The following HS6ST3 variants were observed in gnomAD, a reference collection of about 807,000 sequenced individuals.
HS6ST3 encodes the protein heparan-sulfate 6-O-sulfotransferase 3.
A neutral mutation model predicts 36.7 loss-of-function variants in HS6ST3; 12 were observed. The ratio of observed to expected loss-of-function variants is 0.33; its 90% CI spans 0.21 to 0.53. The LOEUF (loss-of-function observed/expected upper bound fraction) is 0.53, where lower values mean the gene tolerates loss of function less well. Among genes scored for constraint, HS6ST3 ranks in the 20% least tolerant of loss-of-function variants. HS6ST3 has a pLI of 0.95. For synonymous variants in HS6ST3, 240 were observed against 257.5 expected, an observed-to-expected ratio of 0.93 and a Z score of 0.65; for missense variants, 584 against 640.9, an observed-to-expected ratio of 0.91 and a Z score of 0.96.
At chr13:96,142,435 T>C (rs1218283124) in intron 1 of HS6ST3, among the ~76,000 whole-genome samples, 2 of 152,128 alleles carry the variant, frequency 1.3e-5, no homozygotes, top group African/African-American at 4.8e-5. Flanking sequence ...ATTAGTGAAG[T>C]TGAAATAAGA....
At chr13:96,456,851 T>C (rs2055756660) in intron 1 of HS6ST3, among the ~76,000 whole-genome samples, 1 of 152,126 alleles carries the variant, frequency 6.6e-6, no homozygotes, top group African/African-American at 2.4e-5. Context: ...TCTTTTTCTT[T>C]CTCCGATTAA....
At chr13:96,676,815 T>G (rs918959585) in intron 1 of HS6ST3, among the ~76,000 whole-genome samples, 1 of 152,196 alleles carries the variant, frequency 6.6e-6, no homozygotes, top group Admixed American at 6.6e-5. Flanking sequence ...TCCATTACTC[T>G]GTCAAAGGAG....
chr13:96,226,193 A>G (rs910116805), intron 1 of HS6ST3, among the ~76,000 whole-genome samples: 3 of 152,222 alleles, frequency 2.0e-5, no homozygotes, highest in African/African-American at 7.2e-5. Flanking sequence ...TGTACATTTC[A>G]AAGAGGAAAT....
rs575920502 is a variant in HS6ST3, at chr13:96,617,512, C to T, written c.708-214978C>T. ...TAATCTTTCACTAATGTTCCTTCCT[C>T]AGCATCTTTTGGATTCCAGCTGTTG... On this transcript the variant is annotated intron_variant, in intron 1 of 1. Coordinates refer to ENST00000376705, the MANE Select transcript of HS6ST3 (RefSeq NM_153456.4). 8.3e-4 allele frequency among the ~76,000 whole-genome samples: 127 copies of T among 152,290 alleles called. 1 individual carries two copies. The highest frequency in any genetic ancestry group is 2.9e-3 in the African/African-American group (120 of 41,554).
rs757536053 is a variant in HS6ST3, at chr13:96,606,594, A to AGAGGGAGG, written c.708-225858_708-225851dup. Among the ~76,000 whole-genome samples, 60 of 74,502 alleles carry AGAGGGAGG rather than the reference A, an allele frequency of 8.1e-4. 2 individuals are homozygous for AGAGGGAGG. The highest frequency in any genetic ancestry group is 1.8e-3 in the African/African-American group (35 of 19,082). The allele number at this position is 74,502 out of a possible 152,430, so 48.9% of individuals were successfully genotyped here. On this transcript the variant is annotated intron_variant, in intron 1 of 1. Coordinates refer to ENST00000376705, the MANE Select transcript of HS6ST3 (RefSeq NM_153456.4). The stretch of plus-strand genomic sequence containing the variant: ...CTGGAGGAGGGAGAGAGGGAGGGAC[A>AGAGGGAGG]GAGGGAGGGAGGGAGGGAGGGAGGG...
At chr13:96,305,943 T>C (rs749810937) in intron 1 of HS6ST3, among the ~76,000 whole-genome samples, 19 of 151,378 alleles carry the variant, frequency 1.3e-4, no homozygotes, top group Non-Finnish European at 2.8e-4. Flanking sequence ...CTTTTTTTTT[T>C]AGACAGGATC....
intron 1 of HS6ST3, among the ~76,000 whole-genome samples, chr13:96,693,744 A>G (rs1875044258): frequency 6.6e-6 from 1 of 152,182 alleles, no homozygotes; most frequent in African/African-American, 2.4e-5. Flanking sequence ...ATCCTTTACA[A>G]AAGTTCAAGC....
At chr13:96,174,590 C>A (rs995858083) in intron 1 of HS6ST3, among the ~76,000 whole-genome samples, 2 of 152,044 alleles carry the variant, frequency 1.3e-5, no homozygotes, top group East Asian at 3.9e-4. Flanking sequence ...TAAATGTATA[C>A]CTATATACAA....
intron 1 of HS6ST3, among the ~76,000 whole-genome samples, chr13:96,582,452 G>C (rs1412309507): frequency 6.6e-6 from 1 of 152,190 alleles, no homozygotes; most frequent in African/African-American, 2.4e-5. Flanking sequence ...TTCATGGAAA[G>C]AAGCCTATCC....
At chr13:96,207,429 A>C (rs2054376327) in intron 1 of HS6ST3, among the ~76,000 whole-genome samples, 1 of 152,134 alleles carries the variant, frequency 6.6e-6, no homozygotes, top group South Asian at 2.1e-4. Context: ...GCAGTTCCTC[A>C]GAGATGCAGA....
intron 1 of HS6ST3, among the ~76,000 whole-genome samples, chr13:96,702,674 T>C (rs182373728): frequency 6.6e-6 from 1 of 152,186 alleles, no homozygotes; most frequent in East Asian, 1.9e-4. Context: ...AATGAAACTT[T>C]GGAGGGTATA....
chr13:96,574,187 C>G (rs1434333529), intron 1 of HS6ST3: 3 of 517,452 alleles, frequency 5.8e-6, no homozygotes, highest in Admixed American at 2.1e-5. Flanking sequence ...GCTGCGTAAG[C>G]TTTTCTGCTC....
chr13:96,363,083 G>A (rs1288024678), intron 1 of HS6ST3, among the ~76,000 whole-genome samples: 1 of 151,988 alleles, frequency 6.6e-6, no homozygotes, highest in East Asian at 1.9e-4. Flanking sequence ...TGATTGGGGT[G>A]GCAGTTACAC....
chr13:96,812,133 C>G (rs1409947142), intron 1 of HS6ST3, among the ~76,000 whole-genome samples: 1 of 152,152 alleles, frequency 6.6e-6, no homozygotes, highest in Admixed American at 6.5e-5. Flanking sequence ...CCCTTTTCCT[C>G]CATTGCCTCA....
chr13:96,470,228 A>C lies in HS6ST3; in HGVS notation c.708-362262A>C, dbSNP rs559658291. ...CACTTTGAAATATGAATCTATTACA[A>C]AAGGATCATGTTGGTGAGGCACTGG... On this transcript the variant is annotated intron_variant, in intron 1 of 1. Transcript: ENST00000376705. Among the ~76,000 whole-genome samples the C allele has an allele frequency of 3.3e-5, 5 of 152,296 alleles. No individual in the cohort carries two copies. The East Asian group carries it at 9.6e-4, about 29-fold the overall frequency.
chr13:96,634,530 A>G (rs1195469252), intron 1 of HS6ST3, among the ~76,000 whole-genome samples: 1 of 152,124 alleles, frequency 6.6e-6, no homozygotes, highest in Non-Finnish European at 1.5e-5. Flanking sequence ...TATATTTAGC[A>G]AACACTCAGT....
At chr13:96,254,424 AAAAAAAAAAAAAAAAAAAAAAAAAATAT>A (rs2054622186) in intron 1 of HS6ST3, among the ~76,000 whole-genome samples, 1 of 17,932 alleles carries the variant, frequency 5.6e-5, no homozygotes, top group African/African-American at 1.2e-4. Context: ...AGAAAAAAAA[AAAAAAAAAAAAAAAAAAAAAAAAAATAT>A]ATATATATAT....
chr13:96,712,585 G>A (rs1428833027), intron 1 of HS6ST3, among the ~76,000 whole-genome samples: 1 of 152,122 alleles, frequency 6.6e-6, no homozygotes, highest in African/African-American at 2.4e-5. Context: ...TGCTTTGGGA[G>A]CGCCAAATAG....
intron 1 of HS6ST3, among the ~76,000 whole-genome samples, chr13:96,319,963 G>A (rs987104498): frequency 2.6e-5 from 4 of 152,036 alleles, no homozygotes; most frequent in Admixed American, 6.5e-5. Context: ...ATGAGTCTGT[G>A]GTTTGGGCTT....
Sources: gnomAD v4.1 joint callset for allele counts (sites outside exome capture counted in the v4.1 genomes callset) on GRCh38, gnomAD v4.1.1 for gene constraint, MANE v1.5 for transcripts, NCBI Gene and HGNC (gene_info 2026-07-23, HGNC 2026-07-21) for gene names.